The following GOLM1 variants were observed in gnomAD, a reference collection of about 807,000 sequenced individuals.
GOLM1 encodes epididymis luminal protein 46.
A neutral mutation model predicts 50.5 loss-of-function variants in GOLM1; 31 were observed. That is an observed-to-expected ratio of 0.61 (90% confidence interval 0.46 to 0.83). The LOEUF (loss-of-function observed/expected upper bound fraction) is 0.83. Ranked by LOEUF, GOLM1 falls within the 40% of genes least tolerant of loss-of-function variation. GOLM1 has a pLI of 0.00. For synonymous variants in GOLM1, 178 were observed against 192.8 expected (o/e 0.92, Z 0.64); for missense variants, 491 against 501.3 (o/e 0.98, Z 0.20).
At position 86,088,609 on chromosome 9, in the gene GOLM1, G is replaced by A. The variant is rs186230517; in HGVS notation, c.-21-9268C>T. On this transcript the variant is annotated intron_variant, in intron 1 of 9. Transcript: ENST00000388712. ...TTTTTGTTTTGTTTTTTTGCTTTCCGTTGCTTGGTAATATTCTTCCATCCC... is the reference window on the plus strand; with the variant it reads ...TTTTTGTTTTGTTTTTTTGCTTTCCATTGCTTGGTAATATTCTTCCATCCC... Among the ~76,000 whole-genome samples the A allele has an allele frequency of 3.0e-5, 4 of 135,190 alleles. No individual in the cohort carries two copies. The East Asian group carries it at 8.4e-4, about 28-fold the overall frequency. 88.7% of individuals were successfully genotyped at this position (135,190 alleles called of 152,430 possible).
chr9:86,039,141 A>G (rs1833247685), intron 6 of GOLM1, among the ~76,000 whole-genome samples: 1 of 152,236 alleles, frequency 6.6e-6, no homozygotes, highest in Non-Finnish European at 1.5e-5. Flanking sequence ...AAAGGACCCA[A>G]ATAGACATTT....
At chr9:86,056,672 AT>A (rs572675179) in intron 3 of GOLM1, among the ~76,000 whole-genome samples, 467 of 151,346 alleles carry the variant, frequency 3.1e-3, no homozygotes, top group South Asian at 5.2e-3. Flanking sequence ...CGCCTGGCTA[AT>A]TTTTTTTATT....
At chr9:86,053,634 A>C (rs1347560388) in intron 3 of GOLM1, among the ~76,000 whole-genome samples, 38 of 52,682 alleles carry the variant, frequency 7.2e-4, no homozygotes, top group Middle Eastern at 0.014. Flanking sequence ...CATCACTACA[A>C]AACACACACC....
At chr9:86,036,585 T>C in intron 6 of GOLM1, 78 bp from the exon 7 acceptor site, 1 of 1,441,126 alleles carries the variant, frequency 6.9e-7, no homozygotes, top group Non-Finnish European at 9.5e-7. Context: ...ACCAATGCAA[T>C]GAATCCCACC....
intron 3 of GOLM1, among the ~76,000 whole-genome samples, chr9:86,070,248 C>A (rs1834409392): frequency 6.6e-6 from 1 of 152,180 alleles, no homozygotes; most frequent in African/African-American, 2.4e-5. Flanking sequence ...ATACCCATCT[C>A]TCCTTTCATG....
intron 3 of GOLM1, among the ~76,000 whole-genome samples, chr9:86,070,820 TAAGAA>T (rs1834427303): frequency 6.6e-6 from 1 of 151,754 alleles, no homozygotes; most frequent in South Asian, 2.1e-4. Context: ...TTGCAAGAAA[TAAGAA>T]AAGAGTGAAA....
chr9:86,042,684 A>C (rs1165708511), intron 5 of GOLM1, among the ~76,000 whole-genome samples: 1 of 152,218 alleles, frequency 6.6e-6, no homozygotes, highest in Non-Finnish European at 1.5e-5. Context: ...TGTAGAACTA[A>C]ATGAGCAGGT....
At chr9:86,071,611 T>C (rs1834449659) in intron 3 of GOLM1, among the ~76,000 whole-genome samples, 1 of 151,554 alleles carries the variant, frequency 6.6e-6, no homozygotes, top group Non-Finnish European at 1.5e-5. Context: ...AGGTGGAGGT[T>C]GCAGTGAGCC....
chr9:86,077,132 A>T (rs986702361), intron 3 of GOLM1, among the ~76,000 whole-genome samples: 2 of 152,090 alleles, frequency 1.3e-5, no homozygotes, highest in African/African-American at 4.8e-5. Flanking sequence ...GGGAAGAAAA[A>T]ACCCAATAGG....
In GOLM1 at chr9:86,033,317, T is replaced by G. The variant is rs1833038510; in HGVS notation, c.1094A>C (p.Gln365Pro). The G allele has an allele frequency of 6.2e-7, 1 of 1,612,470 alleles. No homozygotes were observed. The highest frequency in any genetic ancestry group is 1.3e-5 in the African/African-American group (1 of 74,904). Residue 365 changes from glutamine to proline, a missense_variant, in exon 9 of 10, where the codon CAA (glutamine) becomes CCA (proline). Physicochemically the swap from Gln to Pro is moderately conservative, Grantham distance 76. Transcript: ENST00000388712. ...TCTGTCATTCCCTGCCAGGGCTGCT[T>G]GCTTGTCTGTCTCAGATTCTGCTTC... The part of the protein sequence containing the change: ...ENEAESETDK[Q>P]AALAGNDRNI...
intron 3 of GOLM1, among the ~76,000 whole-genome samples, chr9:86,065,259 A>G (rs1834274867): frequency 6.6e-6 from 1 of 152,122 alleles, no homozygotes; most frequent in Non-Finnish European, 1.5e-5. Flanking sequence ...CCAGCACTCA[A>G]TGGTAAATGT....
At chr9:86,053,698 C>CCATTCCAAACCATGCT (rs1564347621) in intron 3 of GOLM1, among the ~76,000 whole-genome samples, 3 of 99,612 alleles carry the variant, frequency 3.0e-5, no homozygotes, top group African/African-American at 4.4e-5. Context: ...ACACCACACA[C>CCATTCCAAACCATGCT]ATCACATACC....
chr9:86,061,010 A>T (rs1587719427), intron 3 of GOLM1, among the ~76,000 whole-genome samples: 2 of 150,226 alleles, frequency 1.3e-5, no homozygotes, highest in East Asian at 3.9e-4. Flanking sequence ...TGATCATGGT[A>T]TTGTGGCTAT....
chr9:86,046,301 T>G (rs529719712), intron 5 of GOLM1, among the ~76,000 whole-genome samples, 169 bp downstream of exon 5: 1 of 152,340 alleles, frequency 6.6e-6, no homozygotes, highest in South Asian at 2.1e-4. Context: ...AGAGCTGGCC[T>G]CCTTGTGCAT....
chr9:86,029,830 T>G (rs939821857), intron 9 of GOLM1, among the ~76,000 whole-genome samples: 1 of 152,188 alleles, frequency 6.6e-6, no homozygotes, highest in African/African-American at 2.4e-5. Flanking sequence ...CAAGGTCAAG[T>G]CCTTAGGACA....
chr9:86,043,612 C>T (rs1564343667), intron 5 of GOLM1, among the ~76,000 whole-genome samples: 1 of 152,156 alleles, frequency 6.6e-6, no homozygotes, highest in Non-Finnish European at 1.5e-5. Flanking sequence ...CAACACTCCA[C>T]GAACATTATC....
rs759053998 is a variant in GOLM1 at position 86,046,539 on chromosome 9, C to A, written c.398G>T (p.Arg133Met). The change falls in exon 5 of 10, where the codon AGG (arginine) becomes ATG (methionine). Residue 133 changes from arginine to methionine, a missense_variant. Coordinates refer to ENST00000388712, the MANE Select transcript of GOLM1 (RefSeq NM_016548.4). Reference sequence around the variant, plus strand: ...AAACTGGAGGACATCCTGCTGCAGCCTGCCGTAATTCCTCTGCAGGGTCTT... The same window carrying A: ...AAACTGGAGGACATCCTGCTGCAGCATGCCGTAATTCCTCTGCAGGGTCTT... The part of the protein sequence containing the change: ...QLKTLQRNYG[R>M]LQQDVLQFQK... 1.9e-6 allele frequency: 3 copies of A among 1,613,274 alleles called. No individual in the cohort carries two copies. The Admixed American group carries it at 5.0e-5, about 27-fold the overall frequency.
intron 1 of GOLM1, among the ~76,000 whole-genome samples, chr9:86,085,481 CTTTT>C (rs1401094612): frequency 1.3e-5 from 1 of 74,504 alleles, no homozygotes; most frequent in Non-Finnish European, 3.3e-5. Context: ...GAAGGTTCTA[CTTTT>C]TTTTTAAATT....
chr9:86,091,884 A>G (rs1587744968), intron 1 of GOLM1, among the ~76,000 whole-genome samples: 2 of 152,358 alleles, frequency 1.3e-5, no homozygotes, highest in Non-Finnish European at 2.9e-5. Context: ...CAGCCAATAA[A>G]AAATTTATTG....
Sources: gnomAD v4.1 joint callset for allele counts (sites outside exome capture counted in the v4.1 genomes callset) on GRCh38, gnomAD v4.1.1 for gene constraint, MANE v1.5 for transcripts, NCBI Gene and HGNC (gene_info 2026-07-23, HGNC 2026-07-21) for gene names.